The following DAB1 variants were observed in gnomAD, a reference collection of about 807,000 sequenced individuals.
DAB1 encodes disabled homolog 1.
A neutral mutation model predicts 64.6 loss-of-function variants in DAB1; 15 were observed. That is an observed-to-expected ratio of 0.23 (90% confidence interval 0.16 to 0.36). The LOEUF (loss-of-function observed/expected upper bound fraction) is 0.36, where lower values mean the gene tolerates loss of function less well. Among genes scored for constraint, DAB1 ranks in the 10% least tolerant of loss-of-function variants. DAB1 has a pLI of 1.00. For missense variants in DAB1, 596 were observed against 706.7 expected (o/e 0.84, Z 1.78); for synonymous variants, 235 against 251.9 (o/e 0.93, Z 0.64).
chr1:57,841,608 C>A (rs1278614844), intron 1 of DAB1, among the ~76,000 whole-genome samples: 1 of 152,244 alleles, frequency 6.6e-6, no homozygotes, highest in Admixed American at 6.5e-5. Flanking sequence ...AGGCTTGGGG[C>A]TTGCACCCTC....
At chr1:57,008,090 C>T (rs575204925) in intron 14 of DAB1, among the ~76,000 whole-genome samples, 6 of 152,230 alleles carry the variant, frequency 3.9e-5, no homozygotes, top group South Asian at 2.1e-4. Flanking sequence ...ATTACTTCAC[C>T]GAAGATTACA....
intron 7 of DAB1, among the ~76,000 whole-genome samples, chr1:57,537,561 C>CT (rs1053816646): frequency 6.6e-6 from 1 of 151,820 alleles, no homozygotes; most frequent in Non-Finnish European, 1.5e-5. Context: ...AGAGCCCAGA[C>CT]TTTTTTTTCA....
At chr1:57,666,547 T>C (rs1403935551) in intron 6 of DAB1, among the ~76,000 whole-genome samples, 1 of 152,286 alleles carries the variant, frequency 6.6e-6, no homozygotes, top group African/African-American at 2.4e-5. Flanking sequence ...TAATTCAATC[T>C]CTTCATGTCA....
chr1:58,158,243 G>A (rs901106797), intron 4 of DAB1, among the ~76,000 whole-genome samples: 3 of 152,126 alleles, frequency 2.0e-5, no homozygotes, highest in Admixed American at 1.3e-4. Context: ...CTGCAAGGGG[G>A]CATTTACCCA....
intron 1 of DAB1, among the ~76,000 whole-genome samples, chr1:57,402,888 G>A (rs556697168): frequency 6.6e-6 from 1 of 152,204 alleles, no homozygotes; most frequent in South Asian, 2.1e-4. Flanking sequence ...CCTGCTATGT[G>A]AATTAGATTG....
chr1:58,510,242 G>A (rs745925910), intron 2 of DAB1, among the ~76,000 whole-genome samples: 1 of 151,952 alleles, frequency 6.6e-6, no homozygotes, highest in Non-Finnish European at 1.5e-5. Context: ...CAAAATACTA[G>A]CAAGCCAAAT....
chr1:57,485,919 C>T (rs1160843654), intron 7 of DAB1, among the ~76,000 whole-genome samples: 4 of 152,136 alleles, frequency 2.6e-5, no homozygotes, highest in South Asian at 2.1e-4. Flanking sequence ...ATAAGGCGGC[C>T]GTTCACTGAA....
intron 1 of DAB1, among the ~76,000 whole-genome samples, chr1:57,316,320 T>A (rs1358260090): frequency 6.6e-6 from 1 of 152,254 alleles, no homozygotes; most frequent in Non-Finnish European, 1.5e-5. Flanking sequence ...TACAAATGTA[T>A]TTTATTTTGT....
intron 6 of DAB1, among the ~76,000 whole-genome samples, chr1:57,820,103 C>A (rs763945770): frequency 1.3e-5 from 2 of 152,190 alleles, no homozygotes; most frequent in Non-Finnish European, 2.9e-5. Flanking sequence ...AAACCAGTGA[C>A]TGTTCACAGG....
intron 4 of DAB1, among the ~76,000 whole-genome samples, chr1:58,335,144 G>C (rs1334156651): frequency 3.3e-5 from 5 of 152,180 alleles, no homozygotes; most frequent in Admixed American, 1.3e-4. Context: ...TTTGAGCAAA[G>C]ACTTGACTAA....
chr1:57,706,382 T>A (rs537623019), intron 6 of DAB1, among the ~76,000 whole-genome samples: 29 of 152,104 alleles, frequency 1.9e-4, no homozygotes, highest in African/African-American at 6.5e-4. Context: ...CAGGGCTCAC[T>A]GCACCCTCAA....
intron 1 of DAB1, among the ~76,000 whole-genome samples, chr1:57,399,438 G>A (rs1018534865): frequency 3.9e-5 from 6 of 152,120 alleles, no homozygotes; most frequent in Non-Finnish European, 8.8e-5. Context: ...TCAAACCTGC[G>A]ATTCTAGGCT....
In DAB1 at chr1:57,439,420, T is replaced by TTTTTG. The variant is rs1363390519; in HGVS notation, n.626-148255_626-148254insCAAAA. Among the ~76,000 whole-genome samples, 334 of 118,626 alleles carry TTTTTG rather than the reference T, an allele frequency of 2.8e-3. 13 individuals are homozygous for TTTTTG. The highest frequency in any genetic ancestry group is 5.0e-3 in the African/African-American group (133 of 26,622). 77.8% of individuals were successfully genotyped at this position (118,626 alleles called of 152,430 possible). A position where few individuals can be genotyped will look rare whatever the true frequency, so the allele number is the denominator to read the frequency against. On this transcript the variant is annotated intron_variant and non_coding_transcript_variant, in intron 7 of 20. Transcript: ENST00000485760. ...CATGCCATCAACTTGGTGATGAGGT[T>TTTTTG]TTTTCTTTTTTTTTTTTTTTTTTTT...
chr1:57,984,688 A>G (rs186894365), intron 5 of DAB1, among the ~76,000 whole-genome samples: 200 of 152,354 alleles, frequency 1.3e-3, no homozygotes, highest in Non-Finnish European at 2.0e-3. Flanking sequence ...AGATTCTGTG[A>G]AAGCATAAAG....
intron 4 of DAB1, among the ~76,000 whole-genome samples, chr1:57,114,102 A>C (rs1274260064): frequency 1.3e-5 from 2 of 152,122 alleles, no homozygotes; most frequent in Non-Finnish European, 2.9e-5. Flanking sequence ...CCAAAATATG[A>C]ATGTAGAACT....
intron 2 of DAB1, among the ~76,000 whole-genome samples, chr1:57,177,461 C>T (rs1429623248): frequency 6.6e-6 from 1 of 152,058 alleles, no homozygotes; most frequent in African/African-American, 2.4e-5. Context: ...GTTTTTCCTC[C>T]CCTATATTTA....
At chr1:58,286,428 C>A (rs779189545) in intron 4 of DAB1, among the ~76,000 whole-genome samples, 1 of 151,996 alleles carries the variant, frequency 6.6e-6, no homozygotes, top group Non-Finnish European at 1.5e-5. Context: ...TGACAAAGGT[C>A]TAATATCCAG....
intron 4 of DAB1, among the ~76,000 whole-genome samples, chr1:58,300,106 A>G (rs889066422): frequency 6.6e-6 from 1 of 152,200 alleles, no homozygotes; most frequent in African/African-American, 2.4e-5. Context: ...GAATGCTCTG[A>G]TGACTCAGGA....
At chr1:57,953,529 G>T (rs1645321736) in intron 5 of DAB1, among the ~76,000 whole-genome samples, 1 of 152,168 alleles carries the variant, frequency 6.6e-6, no homozygotes, top group South Asian at 2.1e-4. Context: ...CCATTTTACA[G>T]AGTGGACTCC....
Sources: gnomAD v4.1 joint callset for allele counts (sites outside exome capture counted in the v4.1 genomes callset) on GRCh38, gnomAD v4.1.1 for gene constraint, MANE v1.5 for transcripts, NCBI Gene and HGNC (gene_info 2026-07-23, HGNC 2026-07-21) for gene names.